The following PICALM variants were observed in gnomAD, a reference collection of about 807,000 sequenced individuals.
PICALM encodes the protein phosphatidylinositol-binding clathrin assembly protein.
In PICALM, 40 loss-of-function variants were observed where a neutral mutation model predicts 80.5. The ratio of observed to expected loss-of-function variants is 0.50; its 90% CI spans 0.39 to 0.65. The LOEUF (loss-of-function observed/expected upper bound fraction) is 0.65, where lower values mean the gene tolerates loss of function less well. Among genes scored for constraint, PICALM ranks in the 30% least tolerant of loss-of-function variants. The pLI is 0.00. For missense variants in PICALM, 676 were observed against 778.9 expected (o/e 0.87, Z 1.57); for synonymous variants, 288 against 260.3 (o/e 1.11, Z -1.02).
intron 1 of PICALM, among the ~76,000 whole-genome samples, chr11:86,035,294 A>G (rs2095821459): frequency 6.6e-6 from 1 of 152,186 alleles, no homozygotes; most frequent in African/African-American, 2.4e-5. Flanking sequence ...CATCAACTTT[A>G]GAAACTTAAA....
chr11:86,038,432 A>G (rs2095881152), intron 1 of PICALM, among the ~76,000 whole-genome samples: 1 of 152,240 alleles, frequency 6.6e-6, no homozygotes, highest in Admixed American at 6.5e-5. Flanking sequence ...ACACAAGTTC[A>G]ATCTCTTACA....
At chr11:86,052,131 T>C (rs2096199833) in intron 1 of PICALM, among the ~76,000 whole-genome samples, 1 of 152,212 alleles carries the variant, frequency 6.6e-6, no homozygotes, top group South Asian at 2.1e-4. Flanking sequence ...CAGGTGGAGA[T>C]AACTGAATCA....
intron 1 of PICALM, among the ~76,000 whole-genome samples, chr11:86,049,888 C>T (rs564512413): frequency 6.6e-6 from 1 of 151,326 alleles, no homozygotes; most frequent in Non-Finnish European, 1.5e-5. Flanking sequence ...ACATATTGGA[C>T]ACAACTAAAG....
intron 4 of PICALM, among the ~76,000 whole-genome samples, chr11:86,018,525 T>C (rs1336922349): frequency 6.6e-6 from 1 of 152,132 alleles, no homozygotes. Context: ...CCACTGCTTT[T>C]ATAAGATTAA....
intron 1 of PICALM, among the ~76,000 whole-genome samples, chr11:86,044,368 G>A (rs2096030533): frequency 6.6e-6 from 1 of 152,162 alleles, no homozygotes. Context: ...TAAGTGTGAA[G>A]GCCTCCCATT....
At chr11:86,069,597 C>T (rs1453620679), upstream of PICALM, 1 of 152,292 alleles carries the variant, frequency 6.6e-6, no homozygotes, top group Non-Finnish European at 1.5e-5. Context: ...GAATGTATTT[C>T]AAGACGCCTC....
At chr11:86,047,233 T>G (rs2096089387) in intron 1 of PICALM, among the ~76,000 whole-genome samples, 1 of 152,208 alleles carries the variant, frequency 6.6e-6, no homozygotes, top group African/African-American at 2.4e-5. Context: ...ACTGCACACA[T>G]TTTCACAAAT....
chr11:85,993,522 T>G (rs1388170974), intron 12 of PICALM, among the ~76,000 whole-genome samples: 1 of 152,120 alleles, frequency 6.6e-6, no homozygotes, highest in Non-Finnish European at 1.5e-5. Context: ...CACTGCAACC[T>G]CTGCTTCTCA....
intron 19 of PICALM, among the ~76,000 whole-genome samples, chr11:85,961,259 A>G (rs1464637310): frequency 1.3e-5 from 2 of 152,194 alleles, no homozygotes; most frequent in Admixed American, 6.5e-5. Context: ...TAAGGGTCGA[A>G]AAGTCCTGTC....
intron 1 of PICALM, among the ~76,000 whole-genome samples, chr11:86,053,619 G>A (rs1367795266): frequency 6.6e-6 from 1 of 152,186 alleles, no homozygotes; most frequent in Non-Finnish European, 1.5e-5. Flanking sequence ...CAAGGCTGGA[G>A]TACAGTGGCA....
chr11:85,962,224 G>A (rs1312190044), intron 19 of PICALM, among the ~76,000 whole-genome samples: 1 of 152,096 alleles, frequency 6.6e-6, no homozygotes, highest in Non-Finnish European at 1.5e-5. Context: ...GCGCAACCAC[G>A]GACGGCCAAT....
intron 11 of PICALM, among the ~76,000 whole-genome samples, chr11:86,000,068 T>C (rs2095096141): frequency 6.6e-6 from 1 of 152,222 alleles, no homozygotes; most frequent in Non-Finnish European, 1.5e-5. Flanking sequence ...TTTAAGCCAC[T>C]CTGAGGTTCA....
chr11:85,965,650 C>T (rs886691120), intron 19 of PICALM, among the ~76,000 whole-genome samples: 2 of 152,108 alleles, frequency 1.3e-5, no homozygotes, highest in African/African-American at 4.8e-5. Flanking sequence ...CTACTATATA[C>T]ATGTAGGGGT....
At chr11:85,992,931 A>C (rs10792820) in intron 12 of PICALM, among the ~76,000 whole-genome samples, 32,064 of 152,146 alleles carry the variant, frequency 0.21, 3,812 homozygotes, top group East Asian at 0.48. Context: ...CCAGTTCCTA[A>C]TCTACTTGAC....
At chr11:85,972,222 G>T (rs2094134841) in intron 19 of PICALM, among the ~76,000 whole-genome samples, 1 of 152,178 alleles carries the variant, frequency 6.6e-6, no homozygotes, top group Non-Finnish European at 1.5e-5. Context: ...TACAACTATA[G>T]TAGTTACATC....
rs555197599 is a variant in PICALM, at chr11:85,974,542, C to T, written c.1944+166G>A. 1.7e-5 allele frequency: 12 copies of T among 718,194 alleles called. No individual in the cohort carries two copies. In the East Asian group the frequency reaches 2.8e-4, roughly 17 times the overall value. The allele number at this position is 718,194 out of a possible 1,614,324, so 44.5% of individuals were successfully genotyped here. ...TACTTATCCTTTCCCTCCAAATAATCAATATTCCTAAAGCTCTTATATAAG... is the reference window on the plus strand; with the variant it reads ...TACTTATCCTTTCCCTCCAAATAATTAATATTCCTAAAGCTCTTATATAAG... On this transcript the variant is annotated intron_variant, in intron 19 of 19. Transcript: ENST00000393346.
chr11:86,041,112 T>A lies in PICALM; in HGVS notation c.131-9501A>T, dbSNP rs1593250434. On this transcript the variant is annotated intron_variant, in intron 1 of 19. Transcript: ENST00000393346. ...ACACTTCATTACAATTACTAGCTCA[T>A]ATATCAGTCTCTCCTATGAGAGAGC... Among the ~76,000 whole-genome samples the A allele has an allele frequency of 3.3e-5, 5 of 152,204 alleles. No individual in the cohort carries two copies. The South Asian group carries it at 1.0e-3, about 31-fold the overall frequency.
In PICALM at chr11:86,068,775, G is replaced by A; in HGVS notation, c.6C>T (p.Ser2=). The A allele has an allele frequency of 6.2e-7, 1 of 1,606,846 alleles. No individual in the cohort carries two copies. Among genetic ancestry groups the A allele is most frequent in the South Asian group, 1.1e-5 (1 of 90,530 alleles). Residue 2 remains serine (S), a synonymous_variant, in exon 1 of 20, where the codon TCC becomes TCT. Transcript: ENST00000393346. ...TGATTCGGTCCGTCAGGCTCTGGCC[G>A]GACATCTCTGCAGCTCCTCCACCAC... The part of the protein sequence containing the change: M[S]GQSLTDRITA...
chr11:86,021,429 C>G (rs1410888062), intron 4 of PICALM, among the ~76,000 whole-genome samples: 2 of 151,302 alleles, frequency 1.3e-5, no homozygotes, highest in African/African-American at 4.9e-5. Flanking sequence ...ATATCATTAG[C>G]CATCAGGGAA....
Sources: gnomAD v4.1 joint callset for allele counts (sites outside exome capture counted in the v4.1 genomes callset) on GRCh38, gnomAD v4.1.1 for gene constraint, MANE v1.5 for transcripts, NCBI Gene and HGNC (gene_info 2026-07-23, HGNC 2026-07-21) for gene names.